Variants in HOOK3 observed in about 807,000 individuals in gnomAD.
HOOK3 encodes the protein hook microtubule tethering protein 3.
In HOOK3, 24 loss-of-function variants were observed where a neutral mutation model predicts 116.3. That is an observed-to-expected ratio of 0.21 (90% confidence interval 0.15 to 0.29). The LOEUF (loss-of-function observed/expected upper bound fraction) is 0.29. HOOK3 is among the 10% of genes least tolerant of loss of function. The probability of loss-of-function intolerance (pLI) is 1.00; values close to 1 mark genes in which losing one functional copy is unlikely to be tolerated. For missense variants in HOOK3, 632 were observed against 830.2 expected (o/e 0.76, Z 2.93); for synonymous variants, 275 against 283.0 (o/e 0.97, Z 0.28).
At chr8:42,943,086 T>G (rs1335304376) in intron 4 of HOOK3, among the ~76,000 whole-genome samples, 2 of 152,250 alleles carry the variant, frequency 1.3e-5, no homozygotes, top group East Asian at 3.9e-4. Flanking sequence ...GTTTTGTTTT[T>G]TTTGCTCGAT....
chr8:42,914,842 C>A (rs976080398), intron 2 of HOOK3, among the ~76,000 whole-genome samples: 1 of 152,140 alleles, frequency 6.6e-6, no homozygotes, highest in Non-Finnish European at 1.5e-5. Flanking sequence ...CTCCACCGGG[C>A]GCCGTGGCTC....
At chr8:42,901,073 A>G (rs1807176667) in intron 1 of HOOK3, among the ~76,000 whole-genome samples, 1 of 152,214 alleles carries the variant, frequency 6.6e-6, no homozygotes, top group Non-Finnish European at 1.5e-5. Flanking sequence ...GTAGCATCCC[A>G]TTGCCTCAAC....
At chr8:43,003,897 C>A (rs1398977727) in intron 17 of HOOK3, among the ~76,000 whole-genome samples, 1 of 152,182 alleles carries the variant, frequency 6.6e-6, no homozygotes, top group Non-Finnish European at 1.5e-5. Flanking sequence ...TAGGGCCTTC[C>A]CTGATCCAGC....
At position 43,022,976 on chromosome 8, in the gene HOOK3, G is replaced by T; in HGVS notation, c.*4478G>T. 1 of 158,166 alleles carries T rather than the reference G, an allele frequency of 6.3e-6. No homozygotes were observed. Among genetic ancestry groups the T allele is most frequent in the East Asian group, 1.6e-4 (1 of 6,304 alleles). 9.8% of individuals were successfully genotyped at this position (158,166 alleles called of 1,614,324 possible). A position where few individuals can be genotyped will look rare whatever the true frequency, so the allele number is the denominator to read the frequency against. On this transcript the variant is annotated 3_prime_UTR_variant, in exon 22 of 22. Transcript: ENST00000307602. ...AATCCCAGCACTTTGGGAGGCCAAG[G>T]CAGGCGGATCACCTGAGGTCAGGAG...
intron 2 of HOOK3, among the ~76,000 whole-genome samples, chr8:42,922,113 C>T (rs901908275): frequency 1.3e-5 from 2 of 152,104 alleles, no homozygotes; most frequent in African/African-American, 2.4e-5. Context: ...TGATTATAGA[C>T]CTAAATATAA....
Position 43,020,731 on chromosome 8 carries a change from A to T in HOOK3, c.*2233A>T, listed in dbSNP as rs1231191435. 5.6e-6 allele frequency: 1 copy of T among 177,872 alleles called. No homozygotes were observed. Among genetic ancestry groups the T allele is most frequent in the African/African-American group, 2.4e-5 (1 of 42,192 alleles). The allele number at this position is 177,872 out of a possible 1,614,324, so 11.0% of individuals were successfully genotyped here. ...TCTGTCTCAATCAGTCAATCAATCA[A>T]TCAATCAAATTGGAATATGAGCACT... On this transcript the variant is annotated 3_prime_UTR_variant, in exon 22 of 22. Transcript: ENST00000307602.
chr8:42,967,170 C>G (rs1294916062), intron 10 of HOOK3, among the ~76,000 whole-genome samples: 2 of 152,122 alleles, frequency 1.3e-5, no homozygotes, highest in Admixed American at 1.3e-4. Context: ...TGGTGGCTTC[C>G]TTCTGAGCTG....
At chr8:42,987,634 A>G (rs1355542682) in intron 15 of HOOK3, among the ~76,000 whole-genome samples, 1 of 152,220 alleles carries the variant, frequency 6.6e-6, no homozygotes, top group African/African-American at 2.4e-5. Context: ...TTGAGAATTT[A>G]GAATTTGCAA....
intron 14 of HOOK3, among the ~76,000 whole-genome samples, 164 bp from the exon 15 acceptor site, chr8:42,986,491 C>A (rs372443076): frequency 5.3e-5 from 8 of 152,170 alleles, no homozygotes; most frequent in African/African-American, 1.9e-4. Flanking sequence ...AATGTAATGT[C>A]TTTACCAGCT....
intron 13 of HOOK3, among the ~76,000 whole-genome samples, chr8:42,981,165 C>T (rs1028186215): frequency 1.3e-5 from 2 of 151,796 alleles, no homozygotes. Flanking sequence ...GATCCTCCCA[C>T]CTCAGCCTCC....
intron 1 of HOOK3, among the ~76,000 whole-genome samples, chr8:42,904,305 TC>T (rs1304223378): frequency 1.4e-5 from 2 of 146,328 alleles, no homozygotes; most frequent in East Asian, 2.1e-4. Context: ...GCCGGTATGA[TC>T]TTTTTTTTTT....
At chr8:42,946,387 A>T (rs1040310932) in intron 5 of HOOK3, among the ~76,000 whole-genome samples, 2 of 152,178 alleles carry the variant, frequency 1.3e-5, no homozygotes, top group Admixed American at 6.5e-5. Flanking sequence ...ATCTCTGAGG[A>T]ATTAAAAAAC....
intron 1 of HOOK3, among the ~76,000 whole-genome samples, chr8:42,897,444 C>T (rs1190159135): frequency 6.6e-6 from 1 of 151,972 alleles, no homozygotes; most frequent in African/African-American, 2.4e-5. Context: ...TGCGGCTGCT[C>T]GCAGCTGGGG....
chr8:43,009,787 C>T (rs1014943171), intron 18 of HOOK3, among the ~76,000 whole-genome samples: 5 of 152,106 alleles, frequency 3.3e-5, no homozygotes, highest in South Asian at 2.1e-4. Flanking sequence ...CATCTCAAAC[C>T]GAAGTTCTCT....
At chr8:42,909,482 G>A (rs567760392) in intron 2 of HOOK3, among the ~76,000 whole-genome samples, 7 of 152,274 alleles carry the variant, frequency 4.6e-5, no homozygotes, top group African/African-American at 1.7e-4. Flanking sequence ...TTGATTGATC[G>A]AGACAGGGTC....
intron 13 of HOOK3, among the ~76,000 whole-genome samples, chr8:42,982,271 GA>G (rs753456985): frequency 1.7e-4 from 20 of 118,124 alleles, no homozygotes; most frequent in East Asian, 7.0e-4. Flanking sequence ...AAAAAAAAAA[GA>G]AAAAAAAAAA....
chr8:42,918,674 C>G (rs577605686), intron 2 of HOOK3, among the ~76,000 whole-genome samples: 1 of 152,272 alleles, frequency 6.6e-6, no homozygotes, highest in Admixed American at 6.5e-5. Context: ...CAAAGCACAT[C>G]TTGCACCGCC....
At chr8:42,984,520 A>G (rs1159289755) in intron 14 of HOOK3, among the ~76,000 whole-genome samples, 1 of 152,236 alleles carries the variant, frequency 6.6e-6, no homozygotes, top group Admixed American at 6.5e-5. Context: ...ACACGTATTT[A>G]TGAACATTTA....
At chr8:42,975,694 A>G (rs535470309) in intron 13 of HOOK3, among the ~76,000 whole-genome samples, 2 of 152,314 alleles carry the variant, frequency 1.3e-5, no homozygotes, top group Non-Finnish European at 2.9e-5. Flanking sequence ...GAGGTATTCT[A>G]ATACTTACCT....
Sources: allele counts gnomAD v4.1 joint callset (sites outside exome capture counted in the v4.1 genomes callset), GRCh38; gene constraint gnomAD v4.1.1; transcripts MANE v1.5; gene names NCBI Gene and HGNC (gene_info 2026-07-23, HGNC 2026-07-21).